Variants in IL23R observed in about 807,000 individuals in gnomAD.
IL23R encodes the protein interleukin 23 receptor.
In IL23R, 34 loss-of-function variants were observed where a neutral mutation model predicts 56.9. That is an observed-to-expected ratio of 0.60 (90% CI 0.45 to 0.80). The LOEUF is 0.80. Ranked by LOEUF, IL23R falls within the 30% of genes least tolerant of loss-of-function variation. The probability of loss-of-function intolerance (pLI) is 0.00; values close to 1 mark genes in which losing one functional copy is unlikely to be tolerated. For synonymous variants in IL23R, 230 were observed against 249.2 expected (o/e 0.92, Z 0.73); for missense variants, 635 against 730.0 (o/e 0.87, Z 1.50).
At chr1:67,244,983 T>C (rs942502947) in intron 9 of IL23R, among the ~76,000 whole-genome samples, 3 of 152,230 alleles carry the variant, frequency 2.0e-5, no homozygotes, top group African/African-American at 7.2e-5. Context: ...CCTCTCTTAT[T>C]TCCTTGAGCA....
chr1:67,206,798 A>ATT, intron 5 of IL23R, 112 bp from the exon 6 acceptor site: 2 of 1,144,028 alleles, frequency 1.7e-6, no homozygotes, highest in South Asian at 1.5e-5. Context: ...CATGAATTTT[A>ATT]TTTTTTTTTA....
intron 3 of IL23R, among the ~76,000 whole-genome samples, chr1:67,180,880 G>A (rs1184651755): frequency 6.6e-6 from 1 of 152,052 alleles, no homozygotes; most frequent in Non-Finnish European, 1.5e-5. Flanking sequence ...CACTTATGAA[G>A]CTTAGTTTGG....
At chr1:67,246,998 G>T (rs924476124) in intron 9 of IL23R, among the ~76,000 whole-genome samples, 5 of 152,186 alleles carry the variant, frequency 3.3e-5, no homozygotes, top group Non-Finnish European at 5.9e-5. Context: ...GGATGCTTCT[G>T]TATTGGGTGC....
At chr1:67,168,542 T>C (rs1051259990) in intron 2 of IL23R, among the ~76,000 whole-genome samples, 3 of 152,206 alleles carry the variant, frequency 2.0e-5, no homozygotes, top group Non-Finnish European at 4.4e-5. Flanking sequence ...AAACCACTTG[T>C]TGATAGTTAC....
upstream of IL23R, among the ~76,000 whole-genome samples, chr1:67,164,631 CAAAAT>C (rs10645092): frequency 0.048 from 5,166 of 106,852 alleles, 236 homozygotes; most frequent in African/African-American, 0.16. Context: ...AACTCTGTCA[CAAAAT>C]AAAATAAAAT....
chr1:67,242,135 A>AG (rs2100335415), intron 9 of IL23R, among the ~76,000 whole-genome samples: 1 of 152,330 alleles, frequency 6.6e-6, no homozygotes, highest in South Asian at 2.1e-4. Flanking sequence ...CTATGGAAAA[A>AG]AGACCTAACA....
chr1:67,251,057 C>T (rs1250345456), intron 9 of IL23R, among the ~76,000 whole-genome samples: 1 of 152,152 alleles, frequency 6.6e-6, no homozygotes, highest in South Asian at 2.1e-4. Flanking sequence ...CTTAGGGCCT[C>T]TCATGTGTGC....
chr1:67,232,794 G>GAAT (rs1471700039), intron 7 of IL23R, among the ~76,000 whole-genome samples: 1 of 152,124 alleles, frequency 6.6e-6, no homozygotes, highest in Non-Finnish European at 1.5e-5. Flanking sequence ...ATCTCATCTT[G>GAAT]AATTGTAGTT....
At chr1:67,238,009 A>G (rs1419842695) in intron 8 of IL23R, among the ~76,000 whole-genome samples, 2 of 152,158 alleles carry the variant, frequency 1.3e-5, no homozygotes, top group African/African-American at 4.8e-5. Flanking sequence ...AAAAACAGCA[A>G]ACAAAACAAG....
At chr1:67,154,879 A>G (rs978076265) in intron 1 of IL23R, among the ~76,000 whole-genome samples, 4 of 152,160 alleles carry the variant, frequency 2.6e-5, no homozygotes, top group African/African-American at 9.7e-5. Flanking sequence ...GTTTCTTTAT[A>G]GTGTCATTGG....
chr1:67,165,303 GAT>G (rs1646862518), upstream of IL23R, among the ~76,000 whole-genome samples: 1 of 152,154 alleles, frequency 6.6e-6, no homozygotes, highest in South Asian at 2.1e-4. Flanking sequence ...AAAAAGACAA[GAT>G]ATAAGTATTG....
At chr1:67,238,475 C>G (rs550164590) in intron 8 of IL23R, among the ~76,000 whole-genome samples, 7 of 152,194 alleles carry the variant, frequency 4.6e-5, no homozygotes, top group African/African-American at 1.7e-4. Context: ...GATGCCTACA[C>G]AGACCTACCT....
intron 1 of IL23R, among the ~76,000 whole-genome samples, chr1:67,150,021 A>T (rs546454710): frequency 7.9e-5 from 12 of 152,252 alleles, no homozygotes; most frequent in Admixed American, 1.3e-4. Context: ...ATTTTTCCTG[A>T]TATCTTTACA....
At chr1:67,249,229 C>A (rs1387954929) in intron 9 of IL23R, among the ~76,000 whole-genome samples, 2 of 152,240 alleles carry the variant, frequency 1.3e-5, no homozygotes, top group African/African-American at 4.8e-5. Context: ...GTCTTATAAA[C>A]CAGTTAGTCT....
intron 6 of IL23R, among the ~76,000 whole-genome samples, chr1:67,211,360 C>T (rs2102646317): frequency 6.6e-6 from 1 of 152,266 alleles, no homozygotes; most frequent in Non-Finnish European, 1.5e-5. Flanking sequence ...GTGGCTCATG[C>T]CTGTAATCCC....
intron 3 of IL23R, among the ~76,000 whole-genome samples, chr1:67,173,062 A>G (rs1646962757): frequency 6.6e-6 from 1 of 152,154 alleles, no homozygotes; most frequent in South Asian, 2.1e-4. Context: ...TGAGTGTCCC[A>G]ATAATAGGGG....
intron 1 of IL23R, among the ~76,000 whole-genome samples, chr1:67,148,397 A>G (rs1342109292): frequency 6.6e-6 from 1 of 152,244 alleles, no homozygotes; most frequent in Admixed American, 6.5e-5. Flanking sequence ...CTGGGTTTAT[A>G]TCCCAATCAT....
intron 7 of IL23R, among the ~76,000 whole-genome samples, chr1:67,226,180 C>T (rs11586253): frequency 0.19 from 28,675 of 152,106 alleles, 3,072 homozygotes; most frequent in Admixed American, 0.33. Context: ...GGGTGGATGC[C>T]TGTGACTCCC....
intron 9 of IL23R, among the ~76,000 whole-genome samples, chr1:67,252,902 C>G (rs1224518417): frequency 6.6e-6 from 1 of 151,680 alleles, no homozygotes; most frequent in East Asian, 1.9e-4. Flanking sequence ...TATTTGAACA[C>G]AGTTTGAACA....
Sources: allele counts gnomAD v4.1 joint callset (sites outside exome capture counted in the v4.1 genomes callset), GRCh38; gene constraint gnomAD v4.1.1; transcripts MANE v1.5; gene names NCBI Gene and HGNC (gene_info 2026-07-23, HGNC 2026-07-21).